The following NUGGC variants were observed in gnomAD, a reference collection of about 807,000 sequenced individuals.
NUGGC encodes the protein nuclear GTPase SLIP-GC.
Under a neutral mutation model 92.6 loss-of-function variants are expected in NUGGC, and 58 were observed. That is an observed-to-expected ratio of 0.63 (90% CI 0.51 to 0.78). NUGGC has a LOEUF of 0.78. Ranked by LOEUF, NUGGC falls within the 30% of genes least tolerant of loss-of-function variation. NUGGC has a pLI of 0.00. For synonymous variants in NUGGC, 376 were observed against 366.4 expected (o/e 1.03, Z -0.30); for missense variants, 925 against 964.6 (o/e 0.96, Z 0.54).
intron 14 of NUGGC, 25 bp downstream of exon 14, chr8:28,033,515 A>C (rs770729949): frequency 6.2e-7 from 1 of 1,603,366 alleles, no homozygotes; most frequent in Non-Finnish European, 8.5e-7. Context: ...TTGTTCCCGA[A>C]GGTGCAAGAT....
intron 1 of NUGGC, among the ~76,000 whole-genome samples, chr8:28,074,772 C>T (rs571981121): frequency 6.6e-6 from 1 of 152,292 alleles, no homozygotes; most frequent in African/African-American, 2.4e-5. Context: ...AATGCCGTCT[C>T]TACCAAAAAT....
At chr8:28,057,275 G>A (rs187646701) in intron 9 of NUGGC, among the ~76,000 whole-genome samples, 2 of 150,694 alleles carry the variant, frequency 1.3e-5, no homozygotes, top group East Asian at 3.9e-4. Context: ...TTATGCTATT[G>A]ATAAATACGG....
At chr8:28,057,330 C>CTT (rs57167648) in intron 9 of NUGGC, among the ~76,000 whole-genome samples, 2,745 of 123,956 alleles carry the variant, frequency 0.022, 102 homozygotes, top group African/African-American at 0.07. Context: ...ATTTTCTTTC[C>CTT]TTTTTTTTTT....
intron 2 of NUGGC, among the ~76,000 whole-genome samples, chr8:28,070,785 G>A (rs79434071): frequency 0.02 from 3,011 of 150,738 alleles, 117 homozygotes; most frequent in East Asian, 0.15. Context: ...CAGTGTTTCT[G>A]TATGTTGCCC....
chr8:28,029,314 C>T lies in NUGGC; in HGVS notation c.2106G>A (p.Met702Ile). ...GCATCCTTTCCTGGGCCCTTTCAAA[C>T]ATGCCCTCAGCCACCTGCCGGTCCA... ...RGVDRQVAEG[M>I]FERAQERMQH... The change falls in exon 17 of 19, where the codon ATG (methionine) becomes ATA (isoleucine). Residue 702 changes from methionine to isoleucine, a missense_variant. Transcript: ENST00000413272. 1 of 1,608,562 alleles carries T rather than the reference C, an allele frequency of 6.2e-7. No homozygotes were observed. Among genetic ancestry groups the T allele is most frequent in the Non-Finnish European group, 8.5e-7 (1 of 1,177,522 alleles).
intron 12 of NUGGC, among the ~76,000 whole-genome samples, chr8:28,042,813 A>G (rs1035868869): frequency 6.6e-6 from 1 of 152,188 alleles, no homozygotes; most frequent in Non-Finnish European, 1.5e-5. Flanking sequence ...TTTAAATTCT[A>G]TTTCAAATAG....
rs568688613 is a variant in NUGGC, at chr8:28,038,110, G to C, written c.1611+2941C>G. ...CAGGCCCTCTCTTCCCTTGGCTCTC[G>C]GGCACGTGGGCCAATACACTTCCTC... On this transcript the variant is annotated intron_variant, in intron 13 of 18. Coordinates refer to ENST00000413272, the MANE Select transcript of NUGGC (RefSeq NM_001010906.2). Among the ~76,000 whole-genome samples, 18 of 152,234 alleles carry C rather than the reference G, an allele frequency of 1.2e-4. 1 individual carries two copies. The South Asian group carries it at 3.7e-3, about 32-fold the overall frequency.
chr8:28,048,640 G>A (rs1042845857), intron 10 of NUGGC, among the ~76,000 whole-genome samples: 1 of 152,060 alleles, frequency 6.6e-6, no homozygotes, highest in African/African-American at 2.4e-5. Flanking sequence ...AAGGCAGGCG[G>A]ATCACAAGGT....
chr8:28,065,176 T>TGG, intron 6 of NUGGC, among the ~76,000 whole-genome samples: 2 of 147,056 alleles, frequency 1.4e-5, no homozygotes, highest in African/African-American at 2.5e-5. Context: ...TTTTTTTTTT[T>TGG]TTGAGACAGA....
intron 1 of NUGGC, among the ~76,000 whole-genome samples, chr8:28,078,824 C>A (rs888203959): frequency 2.0e-5 from 3 of 152,094 alleles, no homozygotes. Flanking sequence ...CTATTTCCCC[C>A]CAAAGGGAAG....
chr8:28,023,548 A>G (rs759750206), intron 18 of NUGGC, 86 bp from the exon 19 acceptor site: 3 of 1,340,018 alleles, frequency 2.2e-6, no homozygotes, highest in Non-Finnish European at 3.1e-6. Flanking sequence ...CAATCCTGTC[A>G]CTTGTCCCAG....
chr8:28,077,520 T>C (rs1810752610), intron 1 of NUGGC, among the ~76,000 whole-genome samples: 2 of 151,900 alleles, frequency 1.3e-5, no homozygotes, highest in Non-Finnish European at 2.9e-5. Context: ...TGAGCTATGA[T>C]TGCACCACTG....
At chr8:28,044,882 T>C (rs924980074) in intron 12 of NUGGC, among the ~76,000 whole-genome samples, 1 of 152,212 alleles carries the variant, frequency 6.6e-6, no homozygotes, top group African/African-American at 2.4e-5. Flanking sequence ...AAGAGGTTTT[T>C]CTCCAAAACC....
intron 7 of NUGGC, 44 bp downstream of exon 7, chr8:28,064,478 A>T (rs1810386436): frequency 6.7e-7 from 1 of 1,488,558 alleles, no homozygotes. Flanking sequence ...GAAAGGGTAG[A>T]GGAGTTTAGG....
In NUGGC at chr8:28,036,870, C is replaced by T. The variant is rs78437129; in HGVS notation, c.1612-3173G>A. Among the ~76,000 whole-genome samples, 101 of 152,282 alleles carry T rather than the reference C, an allele frequency of 6.6e-4. No individual in the cohort carries two copies. In the East Asian group the frequency reaches 0.016, roughly 24 times the overall value. On this transcript the variant is annotated intron_variant, in intron 13 of 18. Transcript: ENST00000413272. The stretch of plus-strand genomic sequence containing the variant: ...CGCTTTAGTCAGGAGTAGGCCGAGG[C>T]GGTCTTCTGGAGCATCATGACTCAG...
intron 6 of NUGGC, among the ~76,000 whole-genome samples, chr8:28,066,344 G>A (rs949041734): frequency 5.9e-5 from 9 of 152,104 alleles, no homozygotes; most frequent in African/African-American, 2.2e-4. Flanking sequence ...GCTTTGAAAA[G>A]GTTTCATTCA....
At chr8:28,080,333 T>G (rs907197554) in intron 1 of NUGGC, among the ~76,000 whole-genome samples, 2 of 152,218 alleles carry the variant, frequency 1.3e-5, no homozygotes, top group Non-Finnish European at 2.9e-5. Context: ...TCACTGCATT[T>G]TTTCTGTGTT....
chr8:28,069,287 G>A (rs182464704), intron 4 of NUGGC, among the ~76,000 whole-genome samples: 4 of 152,244 alleles, frequency 2.6e-5, no homozygotes, highest in Middle Eastern at 3.4e-3. Flanking sequence ...TCAGTAAAAT[G>A]GAAGTGATCA....
intron 18 of NUGGC, among the ~76,000 whole-genome samples, chr8:28,025,827 G>A (rs781114576): frequency 4.9e-4 from 74 of 152,134 alleles, no homozygotes; most frequent in Non-Finnish European, 1.0e-3. Flanking sequence ...AGGCAACTAT[G>A]GATGTGGTAT....
Sources: gnomAD v4.1 joint callset for allele counts (sites outside exome capture counted in the v4.1 genomes callset) on GRCh38, gnomAD v4.1.1 for gene constraint, MANE v1.5 for transcripts, NCBI Gene and HGNC (gene_info 2026-07-23, HGNC 2026-07-21) for gene names.